Variants in PTAFR observed in about 807,000 individuals in gnomAD.
PTAFR encodes platelet activating factor receptor, also known as platelet-activating factor receptor.
In PTAFR, 8 loss-of-function variants were observed where a neutral mutation model predicts 14.7. The ratio of observed to expected loss-of-function variants is 0.54; its 90% CI spans 0.32 to 0.98. PTAFR has a LOEUF of 0.98. PTAFR is among the 50% of genes least tolerant of loss of function. PTAFR has a pLI of 0.04. For missense variants in PTAFR, 337 were observed against 451.2 expected (o/e 0.75, Z 2.29); for synonymous variants, 156 against 176.5 (o/e 0.88, Z 0.92).
chr1:28,178,690 G>A (rs958215505), upstream of PTAFR, among the ~76,000 whole-genome samples: 2 of 148,262 alleles, frequency 1.3e-5, no homozygotes, highest in Admixed American at 6.8e-5. Flanking sequence ...TTGCACACTC[G>A]CATACACTCA....
chr1:28,192,808 G>A (rs945116583), intron 1 of PTAFR, among the ~76,000 whole-genome samples: 2 of 151,798 alleles, frequency 1.3e-5, no homozygotes, highest in Non-Finnish European at 2.9e-5. Flanking sequence ...CACCATGCCG[G>A]GCTAATTTTT....
At chr1:28,156,802 G>A (rs1273692374) in intron 1 of PTAFR, among the ~76,000 whole-genome samples, 1 of 152,106 alleles carries the variant, frequency 6.6e-6, no homozygotes, top group East Asian at 1.9e-4. Context: ...TCTCTCTCAG[G>A]CTATACTGGT....
chr1:28,176,981 G>A (rs1318416221), upstream of PTAFR: 1 of 152,624 alleles, frequency 6.6e-6, no homozygotes, highest in Non-Finnish European at 1.5e-5. Flanking sequence ...GAGGGACCAG[G>A]AAAATCAAAG....
intron 1 of PTAFR, among the ~76,000 whole-genome samples, chr1:28,156,433 A>C (rs1646264995): frequency 2.0e-5 from 3 of 152,228 alleles, no homozygotes; most frequent in African/African-American, 4.8e-5. Context: ...ATTTAGCCCA[A>C]CATTAAAGAG....
intron 1 of PTAFR, among the ~76,000 whole-genome samples, chr1:28,166,409 C>T (rs1352208924): frequency 1.3e-5 from 2 of 152,136 alleles, no homozygotes; most frequent in Non-Finnish European, 2.9e-5. Flanking sequence ...TGGTGGTTCA[C>T]GCCTGTAATC....
upstream of PTAFR, among the ~76,000 whole-genome samples, chr1:28,177,367 T>G (rs1237727571): frequency 6.6e-6 from 1 of 152,042 alleles, no homozygotes; most frequent in Non-Finnish European, 1.5e-5. Context: ...CAAGAAACAT[T>G]GAGCCCAGAA....
intron 1 of PTAFR, among the ~76,000 whole-genome samples, chr1:28,191,496 G>A (rs1016632753): frequency 4.6e-5 from 7 of 152,176 alleles, no homozygotes; most frequent in African/African-American, 1.7e-4. Flanking sequence ...CGTTTTGGGA[G>A]GCCAGGGTGG....
chr1:28,186,184 C>T (rs1646604810), intron 1 of PTAFR, among the ~76,000 whole-genome samples: 1 of 152,180 alleles, frequency 6.6e-6, no homozygotes, highest in East Asian at 1.9e-4. Flanking sequence ...AGGGTTTCAC[C>T]ATGTTGGTCA....
chr1:28,179,553 C>A (rs576738853), upstream of PTAFR, among the ~76,000 whole-genome samples: 1 of 152,160 alleles, frequency 6.6e-6, no homozygotes, highest in South Asian at 2.1e-4. Flanking sequence ...CAGTGACTCA[C>A]GCCTGTAATC....
chr1:28,193,138 T>C (rs1479989135), intron 1 of PTAFR, among the ~76,000 whole-genome samples: 1 of 151,772 alleles, frequency 6.6e-6, no homozygotes, highest in East Asian at 1.9e-4. Context: ...GGAAGGGGAG[T>C]TCTGTGATAT....
rs766529357 is a variant in PTAFR, at chr1:28,150,114, T to C, written c.908A>G (p.His303Arg). The part of the protein sequence containing the change: ...YCFLTKKFRK[H>R]LTEKFYSMRS... Reference sequence around the variant, plus strand: ...CATGCTGTAGAACTTTTCGGTGAGGTGCTTGCGGAACTTCTTGGTGAGGAA... The same window carrying C: ...CATGCTGTAGAACTTTTCGGTGAGGCGCTTGCGGAACTTCTTGGTGAGGAA... The change falls in exon 2 of 2, where the codon CAC becomes CGC. Residue 303 changes from histidine (H) to arginine (R), a missense_variant. By Grantham distance (29) the His-to-Arg change is conservative. Transcript: ENST00000373857. This position sits in a 1 kb window ranked among gnomAD's most constrained non-coding sequence, Gnocchi z 6.3. The C allele has an allele frequency of 1.2e-6, 2 of 1,613,934 alleles. No individual in the cohort carries two copies. Among genetic ancestry groups the C allele is most frequent in the Admixed American group, 3.3e-5 (2 of 59,984 alleles).
At chr1:28,155,355 T>C (rs894536383) in intron 1 of PTAFR, among the ~76,000 whole-genome samples, 1 of 152,086 alleles carries the variant, frequency 6.6e-6, no homozygotes, top group African/African-American at 2.4e-5. Flanking sequence ...GGATTACAGG[T>C]GTGTGCCATC....
intron 1 of PTAFR, among the ~76,000 whole-genome samples, chr1:28,158,562 G>A (rs940518480): frequency 3.3e-5 from 5 of 152,198 alleles, no homozygotes; most frequent in Admixed American, 2.0e-4. Flanking sequence ...GCCGGGTGTG[G>A]TGGCACGCAT....
intron 1 of PTAFR, among the ~76,000 whole-genome samples, chr1:28,191,743 ACTCT>A (rs967517060): frequency 2.3e-4 from 34 of 149,028 alleles, no homozygotes; most frequent in Admixed American, 3.3e-4. Flanking sequence ...TAATTTGTTA[ACTCT>A]CTCTCTTTTT....
At chr1:28,187,537 C>T (rs541930787) in intron 1 of PTAFR, among the ~76,000 whole-genome samples, 4 of 152,190 alleles carry the variant, frequency 2.6e-5, no homozygotes, top group East Asian at 3.9e-4. Context: ...GACAGAGTCT[C>T]GCTCGTCACC....
chr1:28,178,910 T>A (rs999032702), upstream of PTAFR, among the ~76,000 whole-genome samples: 1 of 151,952 alleles, frequency 6.6e-6, no homozygotes, highest in African/African-American at 2.4e-5. Flanking sequence ...GCCAAGCACT[T>A]TGGGAGACCA....
rs2148992316 is a variant in PTAFR at position 28,151,054 on chromosome 1, T to C, written c.-33A>G. The C allele has an allele frequency of 6.6e-7, 1 of 1,520,810 alleles. No individual in the cohort carries two copies. The highest frequency in any genetic ancestry group is 8.9e-7 in the Non-Finnish European group (1 of 1,128,844). 94.2% of individuals were successfully genotyped at this position (1,520,810 alleles called of 1,614,324 possible). ...GGCTGGAATGATCAGCTGGTCCTGG[T>C]GGTGCCTGGAAGACCACACAAAAAT... is the stretch of plus-strand genomic sequence containing the variant. On this transcript the variant is annotated 5_prime_UTR_variant, in exon 2 of 2. Transcript: ENST00000373857.
chr1:28,177,642 GA>G (rs1308048023), upstream of PTAFR, among the ~76,000 whole-genome samples: 1 of 152,198 alleles, frequency 6.6e-6, no homozygotes, highest in African/African-American at 2.4e-5. Flanking sequence ...GGACTTGGTT[GA>G]TTGCTTCCTT....
chr1:28,154,001 C>T (rs1260861151), intron 1 of PTAFR, among the ~76,000 whole-genome samples: 1 of 139,886 alleles, frequency 7.1e-6, no homozygotes, highest in East Asian at 2.2e-4. Flanking sequence ...TTGCAGTGAG[C>T]GGAGATTGTG....
Sources: gnomAD v4.1 joint callset for allele counts (sites outside exome capture counted in the v4.1 genomes callset) on GRCh38, gnomAD v4.1.1 for gene constraint, Gnocchi (gnomAD v3.1) non-coding constraint, MANE v1.5 for transcripts, NCBI Gene and HGNC (gene_info 2026-07-23, HGNC 2026-07-21) for gene names.